TNRC18: variants seen among roughly 807,000 people sequenced by gnomAD.
TNRC18 encodes the protein trinucleotide repeat-containing gene 18 protein.
TNRC18 carries 69 observed loss-of-function variants against 226.7 expected under a neutral mutation model. The observed-to-expected ratio is 0.30, with a 90% CI of 0.25 to 0.37. TNRC18 has a LOEUF of 0.37. TNRC18 is among the 10% of genes least tolerant of loss of function. The pLI, the probability that TNRC18 is intolerant of heterozygous loss-of-function variation, is 1.00. For missense variants in TNRC18, 4,754 were observed against 4,256.6 expected (o/e 1.12, Z -3.25); for synonymous variants, 2,449 against 1,927.6 (o/e 1.27, Z -7.09).
chr7:5,317,851 G>A (rs1223087527), intron 24 of TNRC18, among the ~76,000 whole-genome samples: 2 of 151,672 alleles, frequency 1.3e-5, no homozygotes, highest in Non-Finnish European at 2.9e-5. Context: ...GACAACAGGT[G>A]CACACCACCA....
rs145288786 is a variant in TNRC18 at position 5,324,808 on chromosome 7, G to A, written c.6300+288C>T. 0.012 allele frequency among the ~76,000 whole-genome samples: 1,755 copies of A among 152,278 alleles called. 33 individuals carry two copies. Among genetic ancestry groups the A allele is most frequent in the African/African-American group, 0.04 (1,662 of 41,544 alleles). On this transcript the variant is annotated intron_variant, in intron 20 of 29. Coordinates refer to ENST00000430969, the MANE Select transcript of TNRC18 (RefSeq NM_001080495.3). This position sits in a 1 kb window ranked among gnomAD's most constrained non-coding sequence, Gnocchi z 4.8. ...ATTCACCCAAGCCTGAGGGCCCTGT[G>A]AGGACCTGGTGCTGGGCTGGGGGCC...
Position 5,308,030 on chromosome 7 carries a change from C to T in TNRC18, c.*76G>A. 2 of 1,392,328 alleles carry T rather than the reference C, an allele frequency of 1.4e-6. No individual in the cohort carries two copies. The allele number at this position is 1,392,328 out of a possible 1,614,324, so 86.2% of individuals were successfully genotyped here. A position where few individuals can be genotyped will look rare whatever the true frequency, so the allele number is the denominator to read the frequency against. On this transcript the variant is annotated 3_prime_UTR_variant, in exon 30 of 30. Coordinates refer to ENST00000430969, the MANE Select transcript of TNRC18 (RefSeq NM_001080495.3). ...CTCGCATGCACACAACGCACGTGGT[C>T]TCCGCGCCATGGCAGTGATGGAGAT...
intron 17 of TNRC18, among the ~76,000 whole-genome samples, chr7:5,349,320 G>C (rs1791538040): frequency 6.6e-6 from 1 of 152,192 alleles, no homozygotes; most frequent in South Asian, 2.1e-4. Context: ...TTCTGGAGTT[G>C]TCCACACCTG....
chr7:5,404,469 G>C (rs1358670921), intron 2 of TNRC18, among the ~76,000 whole-genome samples: 3 of 152,190 alleles, frequency 2.0e-5, no homozygotes, highest in African/African-American at 4.8e-5. Flanking sequence ...AAGAAGTATT[G>C]AAACAGTGAT....
At position 5,377,121 on chromosome 7, in the gene TNRC18, G is replaced by C. The variant is rs1779036150; in HGVS notation, c.2462-128C>G. 1.3e-5 allele frequency: 18 copies of C among 1,364,482 alleles called. 1 individual carries two copies. Among genetic ancestry groups the C allele is most frequent in the Middle Eastern group, 2.6e-4 (1 of 3,918 alleles). 84.5% of individuals were successfully genotyped at this position (1,364,482 alleles called of 1,614,324 possible). A position where few individuals can be genotyped will look rare whatever the true frequency, so the allele number is the denominator to read the frequency against. On this transcript the variant is annotated intron_variant, in intron 7 of 29. Coordinates refer to ENST00000430969, the MANE Select transcript of TNRC18 (RefSeq NM_001080495.3). The surrounding 1 kb of genome is among the most constrained non-coding windows in gnomAD (Gnocchi z 5.8). ...GGGGCCTCCAGTGGGGAAGCCAAGG[G>C]ACAGGGGTGCTGGCTGGCTGCAAAG...
chr7:5,377,860 C>T lies in TNRC18; in HGVS notation c.2255+62G>A. ...AAGCCCACCTGGGGTCATCCAGCTG[C>T]CCCTCACCCCCAGGGGCTCCTAGAT... On this transcript the variant is annotated intron_variant, in intron 6 of 29. Coordinates refer to ENST00000430969, the MANE Select transcript of TNRC18 (RefSeq NM_001080495.3). This position sits in a 1 kb window ranked among gnomAD's most constrained non-coding sequence, Gnocchi z 5.8. 2.0e-6 allele frequency: 3 copies of T among 1,521,668 alleles called. No homozygotes were observed. The highest frequency in any genetic ancestry group is 2.7e-6 in the Non-Finnish European group (3 of 1,101,238). 94.3% of individuals were successfully genotyped at this position (1,521,668 alleles called of 1,614,324 possible).
At chr7:5,316,126 G>A in intron 24 of TNRC18, 54 bp from the exon 25 acceptor site, 1 of 1,416,148 alleles carries the variant, frequency 7.1e-7, no homozygotes, top group Non-Finnish European at 9.8e-7. Context: ...GCTCCCTAGT[G>A]ACGCACAAGG....
chr7:5,406,394 G>A (rs1202330904), intron 2 of TNRC18, among the ~76,000 whole-genome samples: 5 of 152,072 alleles, frequency 3.3e-5, no homozygotes, highest in East Asian at 1.9e-4. Flanking sequence ...CCCAAAAGGC[G>A]GAGGTTGCAG....
Position 5,421,402 on chromosome 7 carries a change from G to A in TNRC18, c.-156C>T, listed in dbSNP as rs528813934. ...GCCAGCGGGGCTTGCGCTCGGCGGC[G>A]GGCCCGCGGCCCGGGGCGCACAGGC... On this transcript the variant is annotated 5_prime_UTR_variant, in exon 2 of 30. Transcript: ENST00000430969. 29 of 605,798 alleles carry A rather than the reference G, an allele frequency of 4.8e-5. No homozygotes were observed. The African/African-American group carries it at 5.6e-4, about 12-fold the overall frequency. The allele number at this position is 605,798 out of a possible 1,614,324, so 37.5% of individuals were successfully genotyped here.
chr7:5,420,158 G>A (rs968068714), intron 2 of TNRC18: 2 of 333,954 alleles, frequency 6.0e-6, no homozygotes, highest in African/African-American at 2.3e-5. Flanking sequence ...AGAGTCTCCC[G>A]CCCCGGCGCA....
chr7:5,312,703 G>A lies in TNRC18; in HGVS notation c.8188C>T (p.Pro2730Ser). 1 of 1,588,458 alleles carries A rather than the reference G, an allele frequency of 6.3e-7. No individual in the cohort carries two copies. Among genetic ancestry groups the A allele is most frequent in the South Asian group, 1.1e-5 (1 of 89,154 alleles). ...KTPAPQPQAP[P>S]PQPTQPLQPK... ...TGCAGAGGCTGTGTGGGCTGCGGAG[G>A]AGGCGCCTGGGGCTGGGGCGCGGGC... Residue 2730 changes from proline (P) to serine (S), a missense_variant, in exon 27 of 30, where the codon CCT becomes TCT. Physicochemically the swap from Pro to Ser is moderately conservative, Grantham distance 74 (BLOSUM62 -1). Transcript: ENST00000430969. The surrounding 1 kb of genome is among the most constrained non-coding windows in gnomAD (Gnocchi z 6.3).
intron 16 of TNRC18, among the ~76,000 whole-genome samples, chr7:5,352,455 G>A (rs1791928554): frequency 2.6e-5 from 4 of 152,264 alleles, no homozygotes; most frequent in Admixed American, 2.0e-4. Context: ...CCTGTCCCAT[G>A]GGATTACGAT....
At chr7:5,343,515 C>T (rs947644720) in intron 18 of TNRC18, among the ~76,000 whole-genome samples, 21 of 152,254 alleles carry the variant, frequency 1.4e-4, no homozygotes, top group Non-Finnish European at 1.6e-4. Context: ...CTCGACCTCC[C>T]GAGCTCCAGT....
At chr7:5,389,616 G>T (rs1233430833) in intron 4 of TNRC18, 3 of 240,672 alleles carry the variant, frequency 1.2e-5, no homozygotes, top group East Asian at 8.6e-5. Flanking sequence ...CACCACGCAC[G>T]GCTAATTATT....
rs1794121031 is a variant in TNRC18, at chr7:5,371,181, G to C, written c.3413C>G (p.Ser1138Cys). 6.2e-7 allele frequency: 1 copy of C among 1,606,462 alleles called. No individual in the cohort carries two copies. Among genetic ancestry groups the C allele is most frequent in the Non-Finnish European group, 8.5e-7 (1 of 1,174,620 alleles). Residue 1138 changes from serine (S) to cysteine (C), a missense_variant, in exon 11 of 30, where the codon TCC becomes TGC. By Grantham distance (112) the Ser-to-Cys change is moderately radical. Transcript: ENST00000430969. ...PEDKPIRLSP[S>C]KITEPLREGP... Reference sequence around the variant, plus strand: ...CTCCCGCAGCGGCTCTGTGATCTTGGAGGGGGACAAGCGGATGGGCTTGTC... The same window carrying C: ...CTCCCGCAGCGGCTCTGTGATCTTGCAGGGGGACAAGCGGATGGGCTTGTC...
At chr7:5,360,658 C>T (rs898995727) in intron 14 of TNRC18, among the ~76,000 whole-genome samples, 17 of 152,208 alleles carry the variant, frequency 1.1e-4, no homozygotes, top group Non-Finnish European at 2.5e-4. Context: ...GGCCACACCC[C>T]TGACCACCAC....
intron 5 of TNRC18, among the ~76,000 whole-genome samples, chr7:5,385,507 A>G (rs1405934047): frequency 2.5e-4 from 22 of 87,302 alleles, no homozygotes; most frequent in African/African-American, 1.3e-3. Flanking sequence ...AAAAAAAAAA[A>G]AAAAAAAAAA....
chr7:5,384,698 C>T (rs1369833996), intron 5 of TNRC18, among the ~76,000 whole-genome samples: 1 of 152,166 alleles, frequency 6.6e-6, no homozygotes, highest in Non-Finnish European at 1.5e-5. Flanking sequence ...GGGCCCACAG[C>T]CCCAAACCTC....
At chr7:5,373,187 A>C (rs1425733983) in intron 10 of TNRC18, among the ~76,000 whole-genome samples, 1 of 152,144 alleles carries the variant, frequency 6.6e-6, no homozygotes, top group Non-Finnish European at 1.5e-5. Context: ...AGCCAAGTCC[A>C]GTGATGCGTG....
Sources: gnomAD v4.1 joint callset for allele counts (sites outside exome capture counted in the v4.1 genomes callset) on GRCh38, gnomAD v4.1.1 for gene constraint, Gnocchi (gnomAD v3.1) non-coding constraint, MANE v1.5 for transcripts, NCBI Gene and HGNC (gene_info 2026-07-23, HGNC 2026-07-21) for gene names.